Variants in MGST1 observed in about 807,000 individuals in gnomAD.
The protein encoded by MGST1 is microsomal glutathione S-transferase 1.
A neutral mutation model predicts 8.9 loss-of-function variants in MGST1; 5 were observed. The observed-to-expected ratio is 0.56, with a 90% CI of 0.29 to 1.19. The LOEUF is 1.19. MGST1 is among the 50% of genes most tolerant of loss of function. The probability of loss-of-function intolerance (pLI) is 0.08; values close to 1 mark genes in which losing one functional copy is unlikely to be tolerated. For synonymous variants in MGST1, 54 were observed against 67.8 expected, an observed-to-expected ratio of 0.80 and a Z score of 1.00; for missense variants, 182 against 187.4, an observed-to-expected ratio of 0.97 and a Z score of 0.17.
chr12:16,542,286 A>G (rs2137214116), intron 4 of MGST1, among the ~76,000 whole-genome samples: 1 of 152,358 alleles, frequency 6.6e-6, no homozygotes, highest in East Asian at 1.9e-4. Flanking sequence ...TGCTGTTAGT[A>G]AGAATAAAAG....
chr12:16,452,988 A>G (rs1175073255), intron 4 of MGST1, among the ~76,000 whole-genome samples: 1 of 151,946 alleles, frequency 6.6e-6, no homozygotes, highest in East Asian at 1.9e-4. Flanking sequence ...ATTTTCTTAA[A>G]TTTGATTAAA....
chr12:16,552,985 AAT>A (rs1565478806), intron 4 of MGST1, among the ~76,000 whole-genome samples: 1 of 152,106 alleles, frequency 6.6e-6, no homozygotes, highest in Non-Finnish European at 1.5e-5. Flanking sequence ...TTTGGTTTTT[AAT>A]ACCTGTGACA....
At position 16,549,893 on chromosome 12, in the gene MGST1, C is replaced by T. The variant is rs185204890; in HGVS notation, n.483-39635C>T. 4.7e-4 allele frequency: 72 copies of T among 151,994 alleles called. 1 individual carries two copies. The highest frequency in any genetic ancestry group is 1.7e-3 in the African/African-American group (71 of 41,472). 9.4% of individuals were successfully genotyped at this position (151,994 alleles called of 1,614,324 possible). A position where few individuals can be genotyped will look rare whatever the true frequency, so the allele number is the denominator to read the frequency against. ...TATCACGTAAGGTAGTACTATTTCA[C>T]CTTAAAAAATGGAAAGACAAATTTC... On this transcript the variant is annotated intron_variant and non_coding_transcript_variant, in intron 4 of 4. Coordinates refer to the MGST1 transcript ENST00000538857.
intron 4 of MGST1, among the ~76,000 whole-genome samples, chr12:16,515,687 C>T (rs1379448304): frequency 1.3e-5 from 2 of 151,826 alleles, no homozygotes; most frequent in African/African-American, 4.8e-5. Flanking sequence ...CTGCTGATCT[C>T]ATACCCTCAC....
intron 1 of MGST1, among the ~76,000 whole-genome samples, chr12:16,398,207 C>G (rs537997881): frequency 6.6e-6 from 1 of 152,160 alleles, no homozygotes; most frequent in Admixed American, 6.6e-5. Context: ...GACCCCTCCC[C>G]ACTTCTCTTA....
At chr12:16,366,628 TACACAC>T (rs374809283), downstream of MGST1, among the ~76,000 whole-genome samples, 8 of 83,926 alleles carry the variant, frequency 9.5e-5, no homozygotes, top group African/African-American at 2.8e-4. This position sits in a 1 kb window ranked among gnomAD's most constrained non-coding sequence, Gnocchi z 4.0. Flanking sequence ...TATCTGTGTG[TACACAC>T]ACACACACAC....
chr12:16,564,408 G>T (rs1233728412), intron 4 of MGST1, among the ~76,000 whole-genome samples: 1 of 152,214 alleles, frequency 6.6e-6, no homozygotes, highest in East Asian at 1.9e-4. Flanking sequence ...CATAAAGCAA[G>T]CAAACTCTTT....
intron 1 of MGST1, among the ~76,000 whole-genome samples, chr12:16,432,069 A>G (rs954643613): frequency 4.6e-5 from 7 of 152,050 alleles, no homozygotes; most frequent in Non-Finnish European, 7.4e-5. Flanking sequence ...TATGCATTCC[A>G]TTTGTTATCT....
chr12:16,373,702 GC>G (rs1352508109), intron 3 of MGST1, among the ~76,000 whole-genome samples: 3 of 151,960 alleles, frequency 2.0e-5, no homozygotes, highest in African/African-American at 7.2e-5. Context: ...ACTAACTGGT[GC>G]CAGAATTTAA....
rs1943309858 is a variant in MGST1, at chr12:16,586,067, G to C, written n.483-3461G>C. 6.6e-6 allele frequency among the ~76,000 whole-genome samples: 1 copy of C among 152,086 alleles called. No individual in the cohort carries two copies. The highest frequency in any genetic ancestry group is 1.5e-5 in the Non-Finnish European group (1 of 68,008). On this transcript the variant is annotated intron_variant and non_coding_transcript_variant, in intron 4 of 4. Coordinates refer to the MGST1 transcript ENST00000538857. The surrounding 1 kb of genome is among the most constrained non-coding windows in gnomAD (Gnocchi z 4.3). ...CAACACAGGAAAACAGCAAAACCTTGATGTACAATTCCATAAAAATTTTTG... is the reference window on the plus strand; with the variant it reads ...CAACACAGGAAAACAGCAAAACCTTCATGTACAATTCCATAAAAATTTTTG...
At chr12:16,455,713 C>T (rs563922631) in intron 4 of MGST1, among the ~76,000 whole-genome samples, 3 of 151,848 alleles carry the variant, frequency 2.0e-5, no homozygotes, top group South Asian at 2.1e-4. Context: ...TGGTTCATCA[C>T]GTGTTGAATT....
intron 4 of MGST1, among the ~76,000 whole-genome samples, chr12:16,484,925 C>A (rs1185803763): frequency 6.6e-6 from 1 of 152,182 alleles, no homozygotes; most frequent in Non-Finnish European, 1.5e-5. Flanking sequence ...TGCACCTAAA[C>A]CCTGATCACT....
chr12:16,439,389 G>A (rs1214697654), downstream of MGST1, among the ~76,000 whole-genome samples: 1 of 151,844 alleles, frequency 6.6e-6, no homozygotes, highest in African/African-American at 2.4e-5. Context: ...TGTCTTCTAT[G>A]TTTGGAGTAG....
intron 4 of MGST1, among the ~76,000 whole-genome samples, chr12:16,536,673 G>T (rs2137207196): frequency 6.6e-6 from 1 of 152,204 alleles, no homozygotes; most frequent in East Asian, 1.9e-4. Flanking sequence ...ATGGTGGGAG[G>T]TGAAAGGCAC....
intron 4 of MGST1, among the ~76,000 whole-genome samples, chr12:16,456,239 A>G (rs1211804281): frequency 2.2e-4 from 33 of 151,808 alleles, no homozygotes; most frequent in Non-Finnish European, 4.4e-5. Flanking sequence ...TTTTTCCCCA[A>G]TTGGAGAAAG....
intron 4 of MGST1, among the ~76,000 whole-genome samples, chr12:16,519,020 G>A (rs1018731066): frequency 7.2e-5 from 11 of 152,126 alleles, no homozygotes; most frequent in Non-Finnish European, 1.0e-4. Flanking sequence ...ATGTCACTCC[G>A]TGTTTCAGGA....
chr12:16,489,334 G>C (rs1258322487), intron 4 of MGST1, among the ~76,000 whole-genome samples: 1 of 152,040 alleles, frequency 6.6e-6, no homozygotes, highest in East Asian at 1.9e-4. Flanking sequence ...AGTTCAGCAA[G>C]TTGGACTTGG....
intron 1 of MGST1, among the ~76,000 whole-genome samples, chr12:16,411,310 A>T (rs555618873): frequency 8.5e-5 from 13 of 152,272 alleles, no homozygotes; most frequent in Non-Finnish European, 1.6e-4. Context: ...ATATAAACAT[A>T]TTTACTAAAT....
chr12:16,400,581 C>G (rs1285955718), intron 1 of MGST1: 1 of 979,222 alleles, frequency 1.0e-6, no homozygotes, highest in Non-Finnish European at 1.7e-6. Flanking sequence ...TCTGAAGGTT[C>G]AAGGCTGGTA....
Sources: allele counts gnomAD v4.1 joint callset (sites outside exome capture counted in the v4.1 genomes callset), GRCh38; gene constraint gnomAD v4.1.1; non-coding constraint Gnocchi (gnomAD v3.1); transcripts MANE v1.5; gene names NCBI Gene and HGNC (gene_info 2026-07-23, HGNC 2026-07-21).